PTPRM: variants seen among roughly 807,000 people sequenced by gnomAD.
PTPRM encodes protein tyrosine phosphatase receptor type M.
PTPRM carries 47 observed loss-of-function variants against 186.7 expected under a neutral mutation model. The observed-to-expected ratio is 0.25, with a 90% CI of 0.20 to 0.32. PTPRM has a LOEUF of 0.32. PTPRM is among the 10% of genes least tolerant of loss of function. The pLI, the probability that PTPRM is intolerant of heterozygous loss-of-function variation, is 1.00. For synonymous variants in PTPRM, 668 were observed against 674.9 expected, an observed-to-expected ratio of 0.99 and a Z score of 0.16; for missense variants, 1,494 against 1,865.0, an observed-to-expected ratio of 0.80 and a Z score of 3.66.
chr18:7,752,433 T>G (rs1664980), intron 1 of PTPRM, among the ~76,000 whole-genome samples: 80,671 of 151,944 alleles, frequency 0.53, 22,378 homozygotes, highest in East Asian at 0.97. Flanking sequence ...TTTATTTTTA[T>G]TTTTTAAGAC....
chr18:8,158,815 G>C (rs148897929), intron 14 of PTPRM, among the ~76,000 whole-genome samples: 2 of 152,120 alleles, frequency 1.3e-5, no homozygotes, highest in Admixed American at 1.3e-4. Flanking sequence ...GAGAGCGAGC[G>C]GGAGGGTGTC....
chr18:7,877,391 T>G (rs2048298490), intron 2 of PTPRM, among the ~76,000 whole-genome samples: 1 of 152,214 alleles, frequency 6.6e-6, no homozygotes, highest in South Asian at 2.1e-4. Flanking sequence ...GTTGGTAACC[T>G]GTGTAATCGC....
chr18:7,602,587 C>T (rs945787070), intron 1 of PTPRM, among the ~76,000 whole-genome samples: 2 of 151,896 alleles, frequency 1.3e-5, no homozygotes, highest in African/African-American at 4.8e-5. Context: ...GCCATCTTGC[C>T]TGGCTAATAT....
intron 1 of PTPRM, among the ~76,000 whole-genome samples, chr18:7,646,537 G>A (rs6650627): frequency 0.31 from 46,594 of 151,940 alleles, 11,457 homozygotes; most frequent in African/African-American, 0.68. Flanking sequence ...CTTATCTCTC[G>A]TATACTGGAG....
intron 14 of PTPRM, among the ~76,000 whole-genome samples, chr18:8,147,131 G>A (rs1489185795): frequency 6.6e-6 from 1 of 152,106 alleles, no homozygotes; most frequent in Non-Finnish European, 1.5e-5. Context: ...TGGCTATGTG[G>A]GCTCTTTTTT....
At chr18:7,897,753 A>T (rs1414204924) in intron 3 of PTPRM, among the ~76,000 whole-genome samples, 1 of 152,134 alleles carries the variant, frequency 6.6e-6, no homozygotes, top group African/African-American at 2.4e-5. Context: ...CGCTATATGC[A>T]TATCAACCCT....
At chr18:8,312,305 A>G (rs2095275164) in intron 20 of PTPRM, among the ~76,000 whole-genome samples, 1 of 152,052 alleles carries the variant, frequency 6.6e-6, no homozygotes, top group Non-Finnish European at 1.5e-5. Flanking sequence ...ACCTCCCCCA[A>G]ACCCCCAACA....
chr18:7,653,624 T>A (rs1287510502), intron 1 of PTPRM, among the ~76,000 whole-genome samples: 1 of 152,196 alleles, frequency 6.6e-6, no homozygotes, highest in East Asian at 1.9e-4. Flanking sequence ...TCCAGCTCCA[T>A]CCACATTCCT....
intron 7 of PTPRM, among the ~76,000 whole-genome samples, chr18:8,050,315 C>T (rs58929719): frequency 0.03 from 4,606 of 152,202 alleles, 213 homozygotes; most frequent in African/African-American, 0.11. Flanking sequence ...AATTAGAAGT[C>T]CTTTGATTGT....
intron 13 of PTPRM, among the ~76,000 whole-genome samples, chr18:8,134,542 A>C (rs1367356763): frequency 6.6e-6 from 1 of 152,056 alleles, no homozygotes; most frequent in Non-Finnish European, 1.5e-5. Flanking sequence ...TTCCTCATCC[A>C]CATGATGACT....
intron 7 of PTPRM, among the ~76,000 whole-genome samples, chr18:7,985,400 T>G (rs62644911): frequency 0.27 from 13,372 of 50,188 alleles, 4,886 homozygotes; most frequent in Non-Finnish European, 0.34. Context: ...TATACTGGTA[T>G]ATACGTATAT....
At chr18:7,572,284 G>T (rs2036583286) in intron 1 of PTPRM, among the ~76,000 whole-genome samples, 5 of 152,092 alleles carry the variant, frequency 3.3e-5, no homozygotes. Flanking sequence ...AATTCAAAAT[G>T]AATTTTCTTT....
chr18:7,779,676 C>CGGTGGGCTTGAAGACTTT (rs1171038720), intron 2 of PTPRM, among the ~76,000 whole-genome samples: 3 of 152,130 alleles, frequency 2.0e-5, no homozygotes, highest in African/African-American at 7.2e-5. Flanking sequence ...GAGAAGATGA[C>CGGTGGGCTTGAAGACTTT]GGTGGGCTTG....
At chr18:7,609,716 C>G (rs935082365) in intron 1 of PTPRM, among the ~76,000 whole-genome samples, 1 of 152,054 alleles carries the variant, frequency 6.6e-6, no homozygotes, top group Non-Finnish European at 1.5e-5. Context: ...TGGAGGATCT[C>G]CCAAACCCTG....
intron 1 of PTPRM, among the ~76,000 whole-genome samples, chr18:7,635,535 ATTT>A (rs1284132555): frequency 6.6e-6 from 1 of 152,162 alleles, no homozygotes; most frequent in Non-Finnish European, 1.5e-5. Flanking sequence ...GCCTTGTATT[ATTT>A]TTATGTCTTT....
intron 14 of PTPRM, among the ~76,000 whole-genome samples, chr18:8,166,304 G>A (rs997187621): frequency 3.3e-5 from 5 of 152,068 alleles, no homozygotes; most frequent in Middle Eastern, 3.2e-3. Flanking sequence ...CCTGCAACCC[G>A]CTTTCCCTGG....
intron 22 of PTPRM, among the ~76,000 whole-genome samples, chr18:8,322,953 A>G (rs2095354668): frequency 6.6e-6 from 1 of 151,970 alleles, no homozygotes; most frequent in South Asian, 2.1e-4. Flanking sequence ...CAAAGCATCT[A>G]GGACCACAGT....
intron 14 of PTPRM, among the ~76,000 whole-genome samples, chr18:8,168,961 A>G (rs1455876757): frequency 6.6e-6 from 1 of 152,152 alleles, no homozygotes; most frequent in Non-Finnish European, 1.5e-5. Flanking sequence ...CTATAATATT[A>G]TGCATGTAAG....
chr18:8,306,085 C>A (rs752922265), intron 20 of PTPRM, among the ~76,000 whole-genome samples: 1 of 151,942 alleles, frequency 6.6e-6, no homozygotes, highest in Non-Finnish European at 1.5e-5. Flanking sequence ...TTGGTAGAGA[C>A]GGAGTTTCTT....
Sources: allele counts gnomAD v4.1 joint callset (sites outside exome capture counted in the v4.1 genomes callset), GRCh38; gene constraint gnomAD v4.1.1; transcripts MANE v1.5; gene names NCBI Gene and HGNC (gene_info 2026-07-23, HGNC 2026-07-21).